Variants in TMEM71 observed in about 807,000 individuals in gnomAD.
The protein encoded by TMEM71 is transmembrane protein 71.
Under a neutral mutation model 38.0 loss-of-function variants are expected in TMEM71, and 44 were observed. That is an observed-to-expected ratio of 1.16 (90% CI 0.91 to 1.49). TMEM71 has a LOEUF of 1.49. Ranked by LOEUF, TMEM71 falls within the 40% of genes most tolerant of loss-of-function variation. The pLI, the probability that TMEM71 is intolerant of heterozygous loss-of-function variation, is 0.00. For missense variants in TMEM71, 367 were observed against 348.6 expected (o/e 1.05, Z -0.42); for synonymous variants, 133 against 122.5 (o/e 1.09, Z -0.56).
At chr8:132,774,485 A>T in the TMEM71 span, among the ~76,000 whole-genome samples, 1 of 152,256 alleles carries the variant, frequency 6.6e-6, no homozygotes, top group Non-Finnish European at 1.5e-5. Flanking sequence ...AATTTACCAA[A>T]TCTTACTATA....
chr8:132,724,526 TG>T (rs1356334335), intron 6 of TMEM71, among the ~76,000 whole-genome samples: 1 of 152,224 alleles, frequency 6.6e-6, no homozygotes, highest in Non-Finnish European at 1.5e-5. Context: ...TCAGACTTTA[TG>T]GTTGTCTTCC....
chr8:132,736,766 G>A (rs1343647742), intron 5 of TMEM71, among the ~76,000 whole-genome samples: 4 of 152,032 alleles, frequency 2.6e-5, no homozygotes, highest in Non-Finnish European at 5.9e-5. Context: ...ACGAGGTGGA[G>A]GTTGCAGTAA....
intron 6 of TMEM71, among the ~76,000 whole-genome samples, chr8:132,723,471 T>C (rs1332605994): frequency 6.6e-6 from 1 of 152,180 alleles, no homozygotes; most frequent in Non-Finnish European, 1.5e-5. Context: ...GAATACCTTT[T>C]TCAGCTCAGC....
At chr8:132,766,997 A>G in the TMEM71 span, among the ~76,000 whole-genome samples, 2 of 152,144 alleles carry the variant, frequency 1.3e-5, no homozygotes, top group Non-Finnish European at 2.9e-5. Context: ...AGTAACTTCC[A>G]TCAAAACTTC....
At position 132,722,122 on chromosome 8, in the gene TMEM71, G is replaced by C. The variant is rs1185034721; in HGVS notation, c.677-7C>G. 6.2e-7 allele frequency: 1 copy of C among 1,605,820 alleles called. No individual in the cohort carries two copies. Among genetic ancestry groups the C allele is most frequent in the Non-Finnish European group, 8.5e-7 (1 of 1,173,902 alleles). ...TCTTGCAACAACCTGGTTTCTAATA[G>C]GAAGAACAAAAACAAATAAATTAGA... On this transcript the variant is annotated splice_region_variant and splice_polypyrimidine_tract_variant and intron_variant, in intron 6 of 9. Transcript: ENST00000677595.
intron 3 of TMEM71, among the ~76,000 whole-genome samples, chr8:132,756,487 C>G (rs2472228): frequency 0.31 from 42,929 of 140,674 alleles, 6,709 homozygotes; most frequent in Middle Eastern, 0.34. Context: ...GTACATGGCA[C>G]CAAAAAGAAA....
At chr8:132,743,083 C>T (rs911924103) in intron 5 of TMEM71, among the ~76,000 whole-genome samples, 3 of 152,156 alleles carry the variant, frequency 2.0e-5, no homozygotes, top group Admixed American at 1.3e-4. Flanking sequence ...GCCCCTCCCA[C>T]AACATGTGGA....
chr8:132,767,295 C>A, the TMEM71 span, among the ~76,000 whole-genome samples: 1 of 152,116 alleles, frequency 6.6e-6, no homozygotes, highest in Non-Finnish European at 1.5e-5. Flanking sequence ...TAGAAGTTAG[C>A]AAATGGGAAG....
chr8:132,775,534 C>T, the TMEM71 span: 1 of 372,342 alleles, frequency 2.7e-6, no homozygotes, highest in Non-Finnish European at 4.8e-6. Context: ...CTGCTCCCTC[C>T]CCGGCCGCTG....
downstream of TMEM71, among the ~76,000 whole-genome samples, chr8:132,707,314 AG>A: frequency 6.6e-6 from 1 of 152,304 alleles, no homozygotes; most frequent in South Asian, 2.1e-4. Flanking sequence ...GGGCAGCTGG[AG>A]GGCTCCTGAT....
At chr8:132,772,308 C>T in the TMEM71 span, among the ~76,000 whole-genome samples, 1 of 152,138 alleles carries the variant, frequency 6.6e-6, no homozygotes, top group Non-Finnish European at 1.5e-5. Context: ...ATAATTTGCT[C>T]ACTGCTTGTT....
At chr8:132,746,418 C>CATATATACAT (rs1554619165) in intron 5 of TMEM71, among the ~76,000 whole-genome samples, 4 of 37,550 alleles carry the variant, frequency 1.1e-4, no homozygotes, top group South Asian at 8.3e-4. Flanking sequence ...TATACACACA[C>CATATATACAT]ATATATATAC....
chr8:132,757,464 AT>A (rs1021322298), intron 2 of TMEM71, among the ~76,000 whole-genome samples, 170 bp from the exon 3 acceptor site: 2 of 152,104 alleles, frequency 1.3e-5, no homozygotes, highest in Admixed American at 6.5e-5. Flanking sequence ...AGGTACCCTT[AT>A]CACCAGGGAT....
intron 3 of TMEM71, among the ~76,000 whole-genome samples, chr8:132,756,797 C>G (rs1406466041): frequency 6.6e-6 from 1 of 151,914 alleles, no homozygotes. Context: ...ATGTTTTACC[C>G]AGGCTGGACT....
At chr8:132,727,686 G>T (rs1586789899) in intron 6 of TMEM71, 112 bp downstream of exon 6, 32 of 916,058 alleles carry the variant, frequency 3.5e-5, no homozygotes, top group Non-Finnish European at 4.9e-5. Context: ...TCCCTTCCTC[G>T]CACAGGTTGG....
chr8:132,736,322 A>G (rs1271984779), intron 5 of TMEM71, among the ~76,000 whole-genome samples: 1 of 152,220 alleles, frequency 6.6e-6, no homozygotes, highest in Non-Finnish European at 1.5e-5. Flanking sequence ...CAAAAGGCAC[A>G]TTAGAGGTGA....
intron 4 of TMEM71, among the ~76,000 whole-genome samples, chr8:132,748,985 C>A (rs1828544686): frequency 6.6e-6 from 1 of 152,202 alleles, no homozygotes; most frequent in African/African-American, 2.4e-5. Context: ...GATTCCAGAG[C>A]AGGAGTTTGG....
At chr8:132,756,411 T>TATATATATATATATA (rs1554619985) in intron 3 of TMEM71, among the ~76,000 whole-genome samples, 17 of 115,814 alleles carry the variant, frequency 1.5e-4, no homozygotes, top group Admixed American at 3.5e-4. Context: ...AACATATATA[T>TATATATATATATATA]TATATATATA....
intron 5 of TMEM71, among the ~76,000 whole-genome samples, chr8:132,734,898 C>T (rs1014755799): frequency 2.0e-5 from 3 of 152,324 alleles, no homozygotes; most frequent in East Asian, 1.9e-4. Context: ...CTTCTAAGCA[C>T]ATCTTCCATA....
Sources: allele counts gnomAD v4.1 joint callset (sites outside exome capture counted in the v4.1 genomes callset), GRCh38; gene constraint gnomAD v4.1.1; transcripts MANE v1.5; gene names NCBI Gene and HGNC (gene_info 2026-07-23, HGNC 2026-07-21).